Variants in BRINP1 observed in about 807,000 individuals in gnomAD.
The protein encoded by BRINP1 is BMP/retinoic acid-inducible neural-specific protein 1.
A neutral mutation model predicts 72.9 loss-of-function variants in BRINP1; 17 were observed. The observed-to-expected ratio is 0.23, with a 90% CI of 0.16 to 0.35. The LOEUF (loss-of-function observed/expected upper bound fraction) is 0.35. Among genes scored for constraint, BRINP1 ranks in the 10% least tolerant of loss-of-function variants. BRINP1 has a pLI of 1.00. For synonymous variants in BRINP1, 418 were observed against 378.5 expected (o/e 1.10, Z -1.21); for missense variants, 850 against 1,001.6 (o/e 0.85, Z 2.04).
rs559609287 is a variant in BRINP1, at chr9:119,168,107, C to G, written c.1263G>C (p.Leu421=). 2.5e-6 allele frequency: 4 copies of G among 1,608,648 alleles called. No individual in the cohort carries two copies. In the South Asian group the frequency reaches 4.4e-5, roughly 18 times the overall value. Residue 421 remains leucine (L), a synonymous_variant, in exon 8 of 8, where the codon CTG becomes CTC. Transcript: ENST00000265922. ...RSCVCHGSTT[L]CQRPIPCVIG... Reference sequence around the variant, plus strand: ...TCACGCAGGGGATGGGGCGCTGGCACAGCGTGGTGCTGCCGTGGCACACGC... The same window carrying G: ...TCACGCAGGGGATGGGGCGCTGGCAGAGCGTGGTGCTGCCGTGGCACACGC...
chr9:119,317,574 TA>T (rs903906063), intron 1 of BRINP1, among the ~76,000 whole-genome samples: 53 of 152,332 alleles, frequency 3.5e-4, no homozygotes, highest in African/African-American at 1.2e-3. Context: ...ACTTAGTTGA[TA>T]AAACAGTGGC....
intron 1 of BRINP1, among the ~76,000 whole-genome samples, chr9:119,366,376 A>T (rs1239542785): frequency 6.6e-6 from 1 of 152,072 alleles, no homozygotes; most frequent in Non-Finnish European, 1.5e-5. Context: ...CAGACCAGAC[A>T]CTTTGCTGGG....
intron 5 of BRINP1, among the ~76,000 whole-genome samples, chr9:119,229,174 A>G (rs2118894595): frequency 6.6e-6 from 1 of 152,206 alleles, no homozygotes; most frequent in African/African-American, 2.4e-5. Context: ...TATGTAAGGA[A>G]CACTGCATTT....
rs544147133 is a variant in BRINP1 at position 119,288,272 on chromosome 9, G to A, written c.218+24866C>T. 2.6e-5 allele frequency among the ~76,000 whole-genome samples: 4 copies of A among 152,314 alleles called. No homozygotes were observed. In the East Asian group the frequency reaches 5.8e-4, roughly 22 times the overall value. ...CTGTAAATAATTCACTGTGAATGAT[G>A]TTGTTAGTATGTGACTCTTGAAAGC... On this transcript the variant is annotated intron_variant, in intron 2 of 7. Coordinates refer to ENST00000265922, the MANE Select transcript of BRINP1 (RefSeq NM_014618.3).
At chr9:119,328,350 G>A (rs1191761699) in intron 1 of BRINP1, among the ~76,000 whole-genome samples, 2 of 152,190 alleles carry the variant, frequency 1.3e-5, no homozygotes, top group African/African-American at 2.4e-5. Flanking sequence ...TGAGTCAATG[G>A]AGACACAGAG....
chr9:119,176,042 T>G (rs1179681633), intron 7 of BRINP1, among the ~76,000 whole-genome samples: 1 of 152,182 alleles, frequency 6.6e-6, no homozygotes, highest in Admixed American at 6.5e-5. Flanking sequence ...ATATGAATTT[T>G]TATGTGAAGG....
At chr9:119,244,019 C>T (rs972969774) in intron 3 of BRINP1, among the ~76,000 whole-genome samples, 1 of 152,200 alleles carries the variant, frequency 6.6e-6, no homozygotes, top group Non-Finnish European at 1.5e-5. Flanking sequence ...CTACCCTGTA[C>T]AAATGTGCCC....
intron 1 of BRINP1, among the ~76,000 whole-genome samples, chr9:119,336,691 G>A (rs1202651928): frequency 1.3e-5 from 2 of 152,134 alleles, no homozygotes; most frequent in Non-Finnish European, 2.9e-5. Flanking sequence ...GCTCTTCCTG[G>A]TCTGCTCTCA....
intron 1 of BRINP1, among the ~76,000 whole-genome samples, chr9:119,358,996 T>C (rs1441975094): frequency 6.6e-6 from 1 of 152,184 alleles, no homozygotes; most frequent in Non-Finnish European, 1.5e-5. Flanking sequence ...AATAATACTT[T>C]TTTTCTACAT....
intron 7 of BRINP1, among the ~76,000 whole-genome samples, chr9:119,188,384 C>T (rs1042761813): frequency 2.0e-4 from 31 of 152,208 alleles, no homozygotes; most frequent in African/African-American, 7.5e-4. Context: ...GAATATTACA[C>T]CTAGCACAGA....
intron 2 of BRINP1, among the ~76,000 whole-genome samples, chr9:119,292,618 C>T (rs1736172245): frequency 6.6e-6 from 1 of 152,106 alleles, no homozygotes; most frequent in African/African-American, 2.4e-5. Flanking sequence ...TAGACTCTGC[C>T]AATGCAGAGA....
chr9:119,286,076 C>T (rs187314782), intron 2 of BRINP1, among the ~76,000 whole-genome samples: 1 of 152,246 alleles, frequency 6.6e-6, no homozygotes. Flanking sequence ...TCAGCATTGA[C>T]ACCAGCTGGA....
chr9:119,212,129 G>A (rs1015910080), intron 6 of BRINP1, among the ~76,000 whole-genome samples: 1 of 151,918 alleles, frequency 6.6e-6, no homozygotes, highest in South Asian at 2.1e-4. Context: ...TCTTTTATGG[G>A]CTCCCAGGAT....
chr9:119,319,322 A>G (rs1193587723), intron 1 of BRINP1, among the ~76,000 whole-genome samples: 2 of 152,174 alleles, frequency 1.3e-5, no homozygotes, highest in African/African-American at 4.8e-5. Flanking sequence ...CATTTCCTCA[A>G]GTAGAGATGA....
chr9:119,329,132 T>C (rs1831271753), intron 1 of BRINP1, among the ~76,000 whole-genome samples: 1 of 152,190 alleles, frequency 6.6e-6, no homozygotes, highest in Admixed American at 6.5e-5. Flanking sequence ...ATTGTTCTGG[T>C]GAGTTAGTGG....
intron 2 of BRINP1, among the ~76,000 whole-genome samples, chr9:119,284,285 A>G (rs1376885651): frequency 6.6e-6 from 1 of 152,114 alleles, no homozygotes; most frequent in Non-Finnish European, 1.5e-5. Flanking sequence ...CCAATTTCAC[A>G]CTCAGAGCCA....
intron 2 of BRINP1, 53 bp downstream of exon 2, chr9:119,313,085 T>C (rs1350778385): frequency 7.6e-6 from 12 of 1,571,080 alleles, no homozygotes; most frequent in African/African-American, 2.7e-5. Flanking sequence ...AACGCCTGAC[T>C]CCACAAAGCA....
At chr9:119,263,798 C>CG (rs1172298273) in intron 2 of BRINP1, among the ~76,000 whole-genome samples, 3 of 151,634 alleles carry the variant, frequency 2.0e-5, no homozygotes, top group Non-Finnish European at 2.9e-5. Flanking sequence ...TTAGTAGAGA[C>CG]GGGGTTTCAC....
At chr9:119,199,791 C>A (rs937332436) in intron 7 of BRINP1, among the ~76,000 whole-genome samples, 19 of 111,454 alleles carry the variant, frequency 1.7e-4, no homozygotes, top group African/African-American at 6.0e-4. Context: ...GTCTGTTTTT[C>A]TTGTTCTTCT....
Sources: allele counts gnomAD v4.1 joint callset (sites outside exome capture counted in the v4.1 genomes callset), GRCh38; gene constraint gnomAD v4.1.1; transcripts MANE v1.5; gene names NCBI Gene and HGNC (gene_info 2026-07-23, HGNC 2026-07-21).